Variants in CLINT1 observed in about 807,000 individuals in gnomAD.
CLINT1 encodes the protein clathrin interacting protein localized in the trans-Golgi region.
Under a neutral mutation model 70.4 loss-of-function variants are expected in CLINT1, and 15 were observed. That is an observed-to-expected ratio of 0.21 (90% CI 0.14 to 0.33). CLINT1 has a LOEUF of 0.33. Among genes scored for constraint, CLINT1 ranks in the 10% least tolerant of loss-of-function variants. The pLI is 1.00. For synonymous variants in CLINT1, 227 were observed against 254.7 expected, an observed-to-expected ratio of 0.89 and a Z score of 1.04; for missense variants, 615 against 778.1, an observed-to-expected ratio of 0.79 and a Z score of 2.49.
chr5:157,801,997 C>T (rs11740329), intron 8 of CLINT1, among the ~76,000 whole-genome samples: 20,323 of 151,648 alleles, frequency 0.13, 1,786 homozygotes, highest in African/African-American at 0.25. Flanking sequence ...TGGGTTCAAG[C>T]GATTCTCCTG....
At chr5:157,815,120 T>TATACAC (rs1554099945) in intron 3 of CLINT1, among the ~76,000 whole-genome samples, 2 of 142,116 alleles carry the variant, frequency 1.4e-5, no homozygotes, top group African/African-American at 5.1e-5. Flanking sequence ...TCTTCACACA[T>TATACAC]ACACACACAC....
intron 1 of CLINT1, 105 bp from the exon 2 acceptor site, chr5:157,817,652 C>T: frequency 1.4e-6 from 1 of 697,634 alleles, no homozygotes; most frequent in Non-Finnish European, 2.5e-6. Context: ...TAATGAGCTA[C>T]CTCTACAGGA....
At chr5:157,792,023 G>C (rs1205565316) in intron 9 of CLINT1, 28 bp from the exon 10 acceptor site, 1 of 1,585,132 alleles carries the variant, frequency 6.3e-7, no homozygotes, top group Admixed American at 1.8e-5. Context: ...CTAAGGGTAA[G>C]AAACTTCATG....
intron 1 of CLINT1, among the ~76,000 whole-genome samples, chr5:157,824,462 C>T (rs987532760): frequency 4.6e-5 from 7 of 152,036 alleles, no homozygotes; most frequent in East Asian, 1.9e-4. Flanking sequence ...AAAACTCATT[C>T]GTCCACATGG....
chr5:157,803,556 G>T, intron 8 of CLINT1, 94 bp downstream of exon 8: 2 of 789,066 alleles, frequency 2.5e-6, no homozygotes, highest in Non-Finnish European at 3.6e-6. Flanking sequence ...TGAACCCAAT[G>T]CAAATAAGTA....
intron 5 of CLINT1, among the ~76,000 whole-genome samples, chr5:157,812,068 T>C: frequency 6.6e-6 from 1 of 152,174 alleles, no homozygotes; most frequent in Non-Finnish European, 1.5e-5. Flanking sequence ...GATGCTTCAA[T>C]ATAAAAAAGG....
intron 1 of CLINT1, among the ~76,000 whole-genome samples, chr5:157,827,283 A>G (rs139939405): frequency 2.0e-5 from 3 of 152,336 alleles, no homozygotes; most frequent in African/African-American, 7.2e-5. Flanking sequence ...AAATGTCTAT[A>G]TAAGAGGATA....
intron 1 of CLINT1, among the ~76,000 whole-genome samples, chr5:157,842,816 G>A (rs1474434985): frequency 6.6e-6 from 1 of 152,104 alleles, no homozygotes; most frequent in Non-Finnish European, 1.5e-5. Flanking sequence ...CTCCTATTCT[G>A]TACTTACAGC....
Position 157,837,649 on chromosome 5 carries a change from C to CTTTTTTTTTTTTTTT in CLINT1, c.42-20103_42-20102insAAAAAAAAAAAAAAA, listed in dbSNP as rs202044066. On this transcript the variant is annotated intron_variant, in intron 1 of 11. Coordinates refer to ENST00000411809, the MANE Select transcript of CLINT1 (RefSeq NM_014666.4). ...CCAGCAAATTTCTCAAGCTCTTTTA[C>CTTTTTTTTTTTTTTT]TTTTTTTTTTTTTGAGACGGAGTCT... Among the ~76,000 whole-genome samples the CTTTTTTTTTTTTTTT allele has an allele frequency of 5.1e-4, 71 of 138,530 alleles. 3 individuals carry two copies. Among genetic ancestry groups the CTTTTTTTTTTTTTTT allele is most frequent in the African/African-American group, 1.8e-3 (66 of 36,360 alleles). 90.9% of individuals were successfully genotyped at this position (138,530 alleles called of 152,430 possible). A position where few individuals can be genotyped will look rare whatever the true frequency, so the allele number is the denominator to read the frequency against.
At chr5:157,840,450 T>C (rs1164640675) in intron 1 of CLINT1, among the ~76,000 whole-genome samples, 1 of 152,008 alleles carries the variant, frequency 6.6e-6, no homozygotes, top group East Asian at 1.9e-4. Flanking sequence ...CGGAATATTT[T>C]TTAACTACAC....
rs979578652 is a variant in CLINT1 at position 157,858,816 on chromosome 5, G to A, written c.41+114C>T. ...AAGGAGCGGGCCGCCGCCATGATGG[G>A]GCTGGCAGAGCCAGGGGGCGTGACG... On this transcript the variant is annotated intron_variant, in intron 1 of 11. Coordinates refer to ENST00000411809, the MANE Select transcript of CLINT1 (RefSeq NM_014666.4). The A allele has an allele frequency of 1.4e-5, 16 of 1,161,894 alleles. No individual in the cohort carries two copies. The African/African-American group carries it at 2.2e-4, about 16-fold the overall frequency. 72.0% of individuals were successfully genotyped at this position (1,161,894 alleles called of 1,614,324 possible).
At chr5:157,811,385 T>C (rs933826395) in intron 5 of CLINT1, among the ~76,000 whole-genome samples, 2 of 151,896 alleles carry the variant, frequency 1.3e-5, no homozygotes, top group African/African-American at 2.4e-5. Flanking sequence ...ATACAAAAAT[T>C]GGCGAGGCAT....
intron 1 of CLINT1, among the ~76,000 whole-genome samples, chr5:157,822,090 T>C (rs991086176): frequency 3.3e-5 from 5 of 152,168 alleles, no homozygotes; most frequent in African/African-American, 1.2e-4. Context: ...TCATCTTGAA[T>C]TGTACTCTCA....
At chr5:157,795,229 A>G (rs772155615) in intron 8 of CLINT1, 7 of 412,684 alleles carry the variant, frequency 1.7e-5, no homozygotes, top group Admixed American at 4.1e-5. Flanking sequence ...TATCTCACTA[A>G]TATTTCACAA....
At chr5:157,854,433 T>A (rs1382107933) in intron 1 of CLINT1, among the ~76,000 whole-genome samples, 1 of 152,082 alleles carries the variant, frequency 6.6e-6, no homozygotes, top group Non-Finnish European at 1.5e-5. Flanking sequence ...AAAAATTTTT[T>A]AAAATTAGCC....
At chr5:157,803,770 A>T in intron 7 of CLINT1, 51 bp from the exon 8 acceptor site, 1 of 1,336,796 alleles carries the variant, frequency 7.5e-7, no homozygotes. Context: ...TTTTTCTAAA[A>T]ATCAGCTCTA....
intron 1 of CLINT1, among the ~76,000 whole-genome samples, chr5:157,828,755 C>G (rs1345828298): frequency 6.6e-6 from 1 of 151,802 alleles, no homozygotes; most frequent in East Asian, 1.9e-4. Flanking sequence ...TCCCCTGACT[C>G]AGCAGTCTGT....
intron 9 of CLINT1, among the ~76,000 whole-genome samples, chr5:157,793,204 C>A (rs990084519): frequency 6.7e-6 from 1 of 148,918 alleles, no homozygotes; most frequent in African/African-American, 2.5e-5. Context: ...TACTAATACA[C>A]GTCTTTGATC....
In CLINT1 at chr5:157,809,750, G is replaced by T. The variant is rs755944236; in HGVS notation, c.573C>A (p.Asn191Lys). The change falls in exon 6 of 12, where the codon AAC becomes AAA. Residue 191 changes from asparagine to lysine, a missense_variant. Physicochemically the swap from Asn to Lys is moderately conservative, Grantham distance 94. Around this residue, in one of 2 missense-constraint regions of CLINT1, gnomAD observed 241 missense variants for 368.6 expected, o/e 0.65. Transcript: ENST00000411809. ...KSKWDEEWDK[N>K]KSAFPFSDKL... ...TATCACTGAATGGAAAAGCACTCTTGTTTTTATCCCACTCCTCATCCCATT... is the reference window on the plus strand; with the variant it reads ...TATCACTGAATGGAAAAGCACTCTTTTTTTTATCCCACTCCTCATCCCATT... The T allele has an allele frequency of 1.2e-6, 2 of 1,612,890 alleles. No individual in the cohort carries two copies. Among genetic ancestry groups the T allele is most frequent in the African/African-American group, 2.7e-5 (2 of 74,766 alleles).
Sources: allele counts gnomAD v4.1 joint callset (sites outside exome capture counted in the v4.1 genomes callset), GRCh38; gene constraint gnomAD v4.1.1; regional missense constraint gnomAD v4.1.1; transcripts MANE v1.5; gene names NCBI Gene and HGNC (gene_info 2026-07-23, HGNC 2026-07-21).